The following TENM2 variants were observed in gnomAD, a reference collection of about 807,000 sequenced individuals.
TENM2 encodes the protein teneurin transmembrane protein 2, also known as teneurin-2.
A neutral mutation model predicts 245.2 loss-of-function variants in TENM2; 52 were observed. The observed-to-expected ratio is 0.21, with a 90% CI of 0.17 to 0.27. The LOEUF (loss-of-function observed/expected upper bound fraction) is 0.27, where lower values mean the gene tolerates loss of function less well. Ranked by LOEUF, TENM2 falls within the 10% of genes least tolerant of loss-of-function variation. The pLI, the probability that TENM2 is intolerant of heterozygous loss-of-function variation, is 1.00. For synonymous variants in TENM2, 1,363 were observed against 1,438.9 expected, an observed-to-expected ratio of 0.95 and a Z score of 1.19; for missense variants, 3,046 against 3,666.8, an observed-to-expected ratio of 0.83 and a Z score of 4.37.
In TENM2 at chr5:167,572,561, G is replaced by A. The variant is rs979191194; in HGVS notation, c.502+197088G>A. ...TAGCTCTGCTTACCATGAAAGGTAA[G>A]CAGTCATTTTCACCAATAACTTATA... On this transcript the variant is annotated intron_variant, in intron 2 of 28. Transcript: ENST00000518659. Among the ~76,000 whole-genome samples the A allele has an allele frequency of 2.6e-5, 4 of 152,164 alleles. No individual in the cohort carries two copies. The East Asian group carries it at 5.8e-4, about 22-fold the overall frequency.
At chr5:167,996,351 C>T (rs1298902922) in intron 5 of TENM2, among the ~76,000 whole-genome samples, 2 of 152,142 alleles carry the variant, frequency 1.3e-5, no homozygotes, top group African/African-American at 2.4e-5. Flanking sequence ...CAAATTCTCT[C>T]AGCGTACAAA....
At chr5:167,916,481 A>G (rs1478381458) in intron 3 of TENM2, among the ~76,000 whole-genome samples, 2 of 152,166 alleles carry the variant, frequency 1.3e-5, no homozygotes, top group African/African-American at 4.8e-5. Context: ...GAAATCATCA[A>G]TCCCGGGGAG....
intron 2 of TENM2, among the ~76,000 whole-genome samples, chr5:167,779,173 C>T (rs148946465): frequency 1.3e-5 from 2 of 152,290 alleles, no homozygotes; most frequent in African/African-American, 4.8e-5. Flanking sequence ...AGCTCTGCCT[C>T]CTTCCTGGAG....
At chr5:167,912,358 G>A (rs1329434115) in intron 3 of TENM2, among the ~76,000 whole-genome samples, 4 of 152,166 alleles carry the variant, frequency 2.6e-5, no homozygotes, top group Non-Finnish European at 5.9e-5. Context: ...ATTCTGTTGT[G>A]TATATATGCC....
chr5:167,528,587 T>G (rs963072230), intron 2 of TENM2, among the ~76,000 whole-genome samples: 1 of 152,182 alleles, frequency 6.6e-6, no homozygotes, highest in East Asian at 1.9e-4. Context: ...TGAGCTGGGA[T>G]TCAAGTCCCT....
chr5:168,208,454 G>A (rs982770322), intron 19 of TENM2, among the ~76,000 whole-genome samples: 5 of 152,178 alleles, frequency 3.3e-5, no homozygotes, highest in South Asian at 2.1e-4. Context: ...AGTACCGGGC[G>A]GGGGGAAAGT....
intron 2 of TENM2, among the ~76,000 whole-genome samples, chr5:167,719,367 G>A (rs1759474105): frequency 6.6e-6 from 1 of 152,188 alleles, no homozygotes; most frequent in Admixed American, 6.5e-5. Flanking sequence ...CAGTTCTTTG[G>A]TGACAAGAAT....
intron 25 of TENM2, among the ~76,000 whole-genome samples, chr5:168,233,498 C>G (rs1425289251): frequency 6.6e-6 from 1 of 152,176 alleles, no homozygotes; most frequent in Non-Finnish European, 1.5e-5. Context: ...TGTGTAAATG[C>G]TCCCCCACCA....
At chr5:167,683,136 C>T (rs571630314) in intron 2 of TENM2, among the ~76,000 whole-genome samples, 1 of 152,266 alleles carries the variant, frequency 6.6e-6, no homozygotes, top group African/African-American at 2.4e-5. Context: ...ATAATAGCAA[C>T]TACACTTATT....
chr5:167,010,031 C>T, the TENM2 span, among the ~76,000 whole-genome samples: 4 of 152,188 alleles, frequency 2.6e-5, no homozygotes, highest in East Asian at 1.9e-4. Context: ...ACATGAACCA[C>T]GAACCATAGG....
At chr5:167,712,246 ACAAAT>A (rs1758961843) in intron 2 of TENM2, among the ~76,000 whole-genome samples, 1 of 152,232 alleles carries the variant, frequency 6.6e-6, no homozygotes, top group Non-Finnish European at 1.5e-5. Flanking sequence ...GAATATCTCT[ACAAAT>A]GAGGTATTTT....
In TENM2 at chr5:167,581,874, T is replaced by G. The variant is rs531451256; in HGVS notation, c.502+206401T>G. The stretch of plus-strand genomic sequence containing the variant: ...CTGAAATTAGATATTATTTTCATGT[T>G]GAATTTTCAGTTGTAGATATATTTA... On this transcript the variant is annotated intron_variant, in intron 2 of 28. Transcript: ENST00000518659. 6.6e-5 allele frequency among the ~76,000 whole-genome samples: 10 copies of G among 152,174 alleles called. No individual in the cohort carries two copies. In the East Asian group the frequency reaches 1.9e-3, roughly 29 times the overall value.
At chr5:167,064,917 G>C in the TENM2 span, among the ~76,000 whole-genome samples, 3 of 152,038 alleles carry the variant, frequency 2.0e-5, no homozygotes, top group Admixed American at 6.6e-5. Flanking sequence ...AAGGGATGAA[G>C]GCATTTGTTG....
At chr5:167,141,598 G>C in the TENM2 span, among the ~76,000 whole-genome samples, 1 of 152,116 alleles carries the variant, frequency 6.6e-6, no homozygotes, top group Non-Finnish European at 1.5e-5. Flanking sequence ...TGTATTCATT[G>C]CCAGTGACAG....
chr5:167,791,959 A>G (rs570541020), intron 2 of TENM2, among the ~76,000 whole-genome samples: 37 of 152,058 alleles, frequency 2.4e-4, no homozygotes, highest in African/African-American at 8.9e-4. Flanking sequence ...CATCATCCCT[A>G]CTCACCTCCA....
the TENM2 span, among the ~76,000 whole-genome samples, chr5:167,087,027 T>C: frequency 6.6e-6 from 1 of 152,002 alleles, no homozygotes. Context: ...GGGGTCCATG[T>C]ATCCATATTT....
At chr5:167,113,529 G>C in the TENM2 span, among the ~76,000 whole-genome samples, 1 of 151,718 alleles carries the variant, frequency 6.6e-6, no homozygotes, top group Non-Finnish European at 1.5e-5. Context: ...TGTAGTCCCA[G>C]TTACTTGGGA....
chr5:167,043,794 T>C, the TENM2 span, among the ~76,000 whole-genome samples: 95,668 of 151,992 alleles, frequency 0.63, 32,178 homozygotes, highest in African/African-American at 0.88. Flanking sequence ...TGATCCGAGG[T>C]GGGCGGATCA....
intron 2 of TENM2, among the ~76,000 whole-genome samples, chr5:167,705,346 T>C (rs1758432405): frequency 6.6e-6 from 1 of 152,158 alleles, no homozygotes; most frequent in South Asian, 2.1e-4. Flanking sequence ...AGATCTTGAC[T>C]TCTTATATTC....
Sources: gnomAD v4.1 joint callset for allele counts (sites outside exome capture counted in the v4.1 genomes callset) on GRCh38, gnomAD v4.1.1 for gene constraint, MANE v1.5 for transcripts, NCBI Gene and HGNC (gene_info 2026-07-23, HGNC 2026-07-21) for gene names.